Variants in MERTK observed in about 807,000 individuals in gnomAD.
MERTK encodes the protein MER proto-oncogene, tyrosine kinase, also known as tyrosine-protein kinase Mer.
In MERTK, 69 loss-of-function variants were observed where a neutral mutation model predicts 99.3. That is an observed-to-expected ratio of 0.70 (90% CI 0.57 to 0.85). MERTK has a LOEUF of 0.85. Among genes scored for constraint, MERTK ranks in the 40% least tolerant of loss-of-function variants. The pLI is 0.00. For missense variants in MERTK, 1,125 were observed against 1,249.4 expected, an observed-to-expected ratio of 0.90 and a Z score of 1.50; for synonymous variants, 426 against 467.6, an observed-to-expected ratio of 0.91 and a Z score of 1.15.
Position 112,022,302 on chromosome 2 carries a change from G to T in MERTK, c.2394G>T (p.Met798Ile). ...VTMWEIATRG[M>I]TPYPGVQNHE... ...TGTGGGAAATAGCTACGCGGGGAAT[G>T]ACTCCCTATCCTGGGGTCCAGAACC... The change falls in exon 18 of 19, where the codon ATG becomes ATT. Residue 798 changes from methionine (M) to isoleucine (I), a missense_variant. Transcript: ENST00000295408. 1.9e-6 allele frequency: 3 copies of T among 1,614,224 alleles called. No homozygotes were observed. The South Asian group carries it at 3.3e-5, about 18-fold the overall frequency.
Position 112,008,421 on chromosome 2 carries a change from A to T in MERTK, c.1906A>T (p.Ser636Cys). The T allele has an allele frequency of 1.2e-6, 2 of 1,614,124 alleles. No homozygotes were observed. The highest frequency in any genetic ancestry group is 1.7e-6 in the Non-Finnish European group (2 of 1,179,994). ...SSQREIEEFLSEAACMKDFSH... is the reference protein window; with the variant it reads ...SSQREIEEFLCEAACMKDFSH... ...ACAGCGGGAGATCGAGGAGTTTCTC[A>T]GTGAGGCAGCGTGCATGAAAGACTT... is the stretch of plus-strand genomic sequence containing the variant. The change falls in exon 14 of 19, where the codon AGT becomes TGT. Residue 636 changes from serine to cysteine, a missense_variant. Coordinates refer to ENST00000295408, the MANE Select transcript of MERTK (RefSeq NM_006343.3).
intron 5 of MERTK, among the ~76,000 whole-genome samples, chr2:111,967,614 A>T (rs916231820): frequency 1.8e-4 from 27 of 152,170 alleles, no homozygotes; most frequent in African/African-American, 6.5e-4. Flanking sequence ...CTCGGCCTGG[A>T]AAGCTCCCCC....
At chr2:111,981,820 T>C (rs545438250) in intron 7 of MERTK, among the ~76,000 whole-genome samples, 2 of 152,280 alleles carry the variant, frequency 1.3e-5, no homozygotes, top group African/African-American at 4.8e-5. Context: ...AACTTGCCTC[T>C]GGACTTTAAA....
intron 7 of MERTK, among the ~76,000 whole-genome samples, chr2:111,979,109 A>C (rs1676316207): frequency 6.6e-6 from 1 of 152,170 alleles, no homozygotes; most frequent in South Asian, 2.1e-4. Context: ...GAGGCATCCT[A>C]AGGATTCTGG....
At chr2:111,912,514 C>G (rs1030346627) in intron 1 of MERTK, among the ~76,000 whole-genome samples, 1 of 152,078 alleles carries the variant, frequency 6.6e-6, no homozygotes, top group East Asian at 1.9e-4. Context: ...TACATGTCTC[C>G]CTATGGACAT....
At chr2:112,023,136 C>T (rs187911804) in intron 18 of MERTK, among the ~76,000 whole-genome samples, 50 of 152,084 alleles carry the variant, frequency 3.3e-4, no homozygotes, top group African/African-American at 9.9e-4. Flanking sequence ...AAAATAAGGC[C>T]GAGTGCGGTG....
intron 3 of MERTK, among the ~76,000 whole-genome samples, chr2:111,946,677 G>A (rs942313375): frequency 6.6e-6 from 1 of 152,124 alleles, no homozygotes; most frequent in African/African-American, 2.4e-5. Context: ...GAATGTCTTC[G>A]TACCATGGAC....
At chr2:112,021,031 TA>T (rs763950331) in intron 16 of MERTK, among the ~76,000 whole-genome samples, 876 of 115,738 alleles carry the variant, frequency 7.6e-3, no homozygotes, top group Middle Eastern at 0.017. Context: ...CCATGTCTAC[TA>T]AAAAAAAAAA....
chr2:111,986,971 A>G (rs1676490087), intron 8 of MERTK, among the ~76,000 whole-genome samples: 1 of 152,184 alleles, frequency 6.6e-6, no homozygotes, highest in Non-Finnish European at 1.5e-5. Context: ...CACACCCAAA[A>G]GGAAGTTTAA....
At chr2:111,971,608 A>C (rs1030156116) in intron 6 of MERTK, among the ~76,000 whole-genome samples, 1 of 152,134 alleles carries the variant, frequency 6.6e-6, no homozygotes, top group African/African-American at 2.4e-5. Flanking sequence ...CATAATTATG[A>C]ATTTCCCAAA....
intron 14 of MERTK, among the ~76,000 whole-genome samples, chr2:112,009,242 T>G (rs1223054955): frequency 6.6e-6 from 1 of 152,190 alleles, no homozygotes; most frequent in African/African-American, 2.4e-5. Flanking sequence ...TTATGTCAAA[T>G]AAGCTACTGT....
At chr2:111,919,883 G>C (rs1223591047) in intron 1 of MERTK, among the ~76,000 whole-genome samples, 1 of 146,562 alleles carries the variant, frequency 6.8e-6, no homozygotes, top group Admixed American at 7.0e-5. Flanking sequence ...CAAGCCCCTT[G>C]TGCTTTTGCT....
chr2:111,972,335 TGA>T (rs1182438813), intron 6 of MERTK, among the ~76,000 whole-genome samples: 1 of 152,160 alleles, frequency 6.6e-6, no homozygotes, highest in Non-Finnish European at 1.5e-5. Context: ...TTGAAGAGCC[TGA>T]GAGGACATGA....
chr2:111,902,510 C>G (rs1267144389), intron 1 of MERTK, among the ~76,000 whole-genome samples: 3 of 152,168 alleles, frequency 2.0e-5, no homozygotes, highest in Non-Finnish European at 2.9e-5. Flanking sequence ...ATTCACTTCC[C>G]TCTTGTTCCT....
chr2:111,962,942 G>T (rs1685278648), intron 4 of MERTK, among the ~76,000 whole-genome samples: 1 of 152,170 alleles, frequency 6.6e-6, no homozygotes, highest in Non-Finnish European at 1.5e-5. Context: ...TATAGAGAAA[G>T]AAATAAGGTG....
chr2:111,961,965 A>G (rs1433292284), intron 4 of MERTK, among the ~76,000 whole-genome samples: 2 of 152,142 alleles, frequency 1.3e-5, no homozygotes, highest in East Asian at 1.9e-4. Context: ...TTTCCCTTTC[A>G]TTCTTCAAAT....
At chr2:111,951,616 G>GAATAATGC (rs1180444765) in intron 4 of MERTK, among the ~76,000 whole-genome samples, 1 of 145,530 alleles carries the variant, frequency 6.9e-6, no homozygotes, top group Non-Finnish European at 1.5e-5. Context: ...AAGCTATTAT[G>GAATAATGC]AATAATGCTG....
At chr2:111,906,125 C>A (rs1270124391) in intron 1 of MERTK, among the ~76,000 whole-genome samples, 1 of 152,212 alleles carries the variant, frequency 6.6e-6, no homozygotes, top group Non-Finnish European at 1.5e-5. Context: ...CCAATCATCA[C>A]AGGGTTAGTG....
At position 111,965,227 on chromosome 2, in the gene MERTK, A is replaced by C; in HGVS notation, c.794A>C (p.His265Pro). The C allele has an allele frequency of 1.9e-6, 3 of 1,614,222 alleles. No homozygotes were observed. Among genetic ancestry groups the C allele is most frequent in the Non-Finnish European group, 2.5e-6 (3 of 1,180,034 alleles). Residue 265 changes from histidine to proline, a missense_variant, in exon 5 of 19, where the codon CAC (histidine) becomes CCC (proline). By Grantham distance (77) the His-to-Pro change is moderately conservative (BLOSUM62 -2). Transcript: ENST00000295408. ...TEMAVFSCEAHNDKGLTVSKG... is the reference protein window; with the variant it reads ...TEMAVFSCEAPNDKGLTVSKG... ...ATGGCGGTCTTCAGTTGTGAGGCCCACAATGACAAAGGGCTGACCGTGTCC... is the reference window on the plus strand; with the variant it reads ...ATGGCGGTCTTCAGTTGTGAGGCCCCCAATGACAAAGGGCTGACCGTGTCC...
Sources: allele counts gnomAD v4.1 joint callset (sites outside exome capture counted in the v4.1 genomes callset), GRCh38; gene constraint gnomAD v4.1.1; transcripts MANE v1.5; gene names NCBI Gene and HGNC (gene_info 2026-07-23, HGNC 2026-07-21).